SCAF11: variants seen among roughly 807,000 people sequenced by gnomAD.
The protein encoded by SCAF11 is protein SCAF11.
SCAF11 carries 47 observed loss-of-function variants against 140.5 expected under a neutral mutation model. The ratio of observed to expected loss-of-function variants is 0.33; its 90% CI spans 0.26 to 0.43. SCAF11 has a LOEUF of 0.43. Ranked by LOEUF, SCAF11 falls within the 20% of genes least tolerant of loss-of-function variation. SCAF11 has a pLI of 1.00. For missense variants in SCAF11, 1,645 were observed against 1,705.1 expected (o/e 0.96, Z 0.62); for synonymous variants, 557 against 579.4 (o/e 0.96, Z 0.55).
intron 6 of SCAF11, among the ~76,000 whole-genome samples, chr12:45,936,832 A>G (rs1336799257): frequency 6.6e-6 from 1 of 152,174 alleles, no homozygotes; most frequent in Non-Finnish European, 1.5e-5. Context: ...GAAGTGGAAA[A>G]GGGTGGGAAT....
chr12:45,990,940 G>T (rs1165956078), upstream of SCAF11, among the ~76,000 whole-genome samples: 1 of 152,238 alleles, frequency 6.6e-6, no homozygotes, highest in African/African-American at 2.4e-5. Context: ...TTTGGCCTCT[G>T]CCCTCCTTTG....
chr12:45,988,979 T>C (rs1024270195), intron 1 of SCAF11, among the ~76,000 whole-genome samples: 3 of 152,228 alleles, frequency 2.0e-5, no homozygotes, highest in Admixed American at 2.0e-4. Flanking sequence ...CAAGATTTCA[T>C]TTCTCTTGCT....
intron 6 of SCAF11, among the ~76,000 whole-genome samples, chr12:45,936,609 G>A (rs1447126192): frequency 6.6e-6 from 1 of 152,116 alleles, no homozygotes; most frequent in Non-Finnish European, 1.5e-5. Flanking sequence ...CCACTCTCCT[G>A]GCAAAACTCT....
chr12:45,952,529 A>G (rs1208081417), intron 3 of SCAF11, among the ~76,000 whole-genome samples: 1 of 152,156 alleles, frequency 6.6e-6, no homozygotes, highest in Non-Finnish European at 1.5e-5. Context: ...AAATTGAGTT[A>G]TAGGTGCTCT....
chr12:45,935,850 C>T (rs939775676), intron 6 of SCAF11, among the ~76,000 whole-genome samples: 2 of 152,144 alleles, frequency 1.3e-5, no homozygotes, highest in East Asian at 1.9e-4. Flanking sequence ...CTAAAGTATT[C>T]GATACTGGTG....
At chr12:45,972,617 CAA>C (rs1260145584) in intron 1 of SCAF11, among the ~76,000 whole-genome samples, 1 of 111,974 alleles carries the variant, frequency 8.9e-6, no homozygotes, top group Non-Finnish European at 1.9e-5. Context: ...ATCCAAAAAA[CAA>C]AAACAAAAAC....
rs187139806 is a variant in SCAF11 at position 45,967,657 on chromosome 12, T to A, written c.-21-3469A>T. Among the ~76,000 whole-genome samples, 689 of 152,254 alleles carry A rather than the reference T, an allele frequency of 4.5e-3. 2 individuals carry two copies. The highest frequency in any genetic ancestry group is 0.016 in the African/African-American group (646 of 41,548). ...AGGCTCCATCTCAAAAAGAAAGAAA[T>A]CTGCTTTAAAAACTGTTTAAGCATT... On this transcript the variant is annotated intron_variant, in intron 1 of 14. Transcript: ENST00000369367.
At chr12:45,942,366 A>T (rs976621968) in intron 6 of SCAF11, among the ~76,000 whole-genome samples, 1 of 152,218 alleles carries the variant, frequency 6.6e-6, no homozygotes, top group Non-Finnish European at 1.5e-5. Flanking sequence ...TAAAAAGAAC[A>T]AAAAAGAAAA....
Position 45,931,550 on chromosome 12 carries a change from G to A in SCAF11, c.797C>T (p.Pro266Leu). The A allele has an allele frequency of 6.6e-7, 1 of 1,513,954 alleles. No individual in the cohort carries two copies. The highest frequency in any genetic ancestry group is 8.8e-7 in the Non-Finnish European group (1 of 1,136,556). 93.8% of individuals were successfully genotyped at this position (1,513,954 alleles called of 1,614,324 possible). ...GGTACTTGTTGGAAAAATAGTTCTT[G>A]GCAACACAGAAGAAATGAGAGGAAG... ...EVLPLISSVL[P>L]RTIFPTSTIS... The change falls in exon 10 of 15, where the codon CCA (proline) becomes CTA (leucine). Residue 266 changes from proline to leucine, a missense_variant. This residue lies in a region of SCAF11 where 1,582 missense variants were observed against 1,609.2 expected (regional missense o/e 0.98). Transcript: ENST00000369367.
Position 45,920,512 on chromosome 12 carries a change from C to T in SCAF11, c.*1536G>A, listed in dbSNP as rs1400215262. 6.6e-6 allele frequency: 1 copy of T among 152,174 alleles called. No homozygotes were observed. The highest frequency in any genetic ancestry group is 2.4e-5 in the African/African-American group (1 of 41,318). 9.4% of individuals were successfully genotyped at this position (152,174 alleles called of 1,614,324 possible). ...GGAATCAGTTTATCATGGAGAAAAC[C>T]TACTGTTCTTTCAAGATGCCAGTTA... On this transcript the variant is annotated 3_prime_UTR_variant, in exon 15 of 15. Coordinates refer to ENST00000369367, the MANE Select transcript of SCAF11 (RefSeq NM_004719.3).
rs1416038503 is a variant in SCAF11, at chr12:45,990,395, A to G, written c.-64T>C. ...GCGCTCGGTCCGGCCGCGGCCCCAC[A>G]GTAGGTTCCCAGGTCCCAGTCACTC... On this transcript the variant is annotated 5_prime_UTR_variant, in exon 1 of 15. Coordinates refer to ENST00000369367, the MANE Select transcript of SCAF11 (RefSeq NM_004719.3). 2 of 1,232,394 alleles carry G rather than the reference A, an allele frequency of 1.6e-6. No individual in the cohort carries two copies. The highest frequency in any genetic ancestry group is 4.1e-5 in the South Asian group (1 of 24,338). 76.3% of individuals were successfully genotyped at this position (1,232,394 alleles called of 1,614,324 possible). A position where few individuals can be genotyped will look rare whatever the true frequency, so the allele number is the denominator to read the frequency against.
chr12:45,964,265 G>GT (rs1302658153), intron 1 of SCAF11, 77 bp from the exon 2 acceptor site: 1 of 717,458 alleles, frequency 1.4e-6, no homozygotes. Flanking sequence ...ATCCTAAACT[G>GT]TAAGAAATTA....
At chr12:45,956,476 C>T (rs143478424) in intron 3 of SCAF11, among the ~76,000 whole-genome samples, 1 of 152,256 alleles carries the variant, frequency 6.6e-6, no homozygotes, top group African/African-American at 2.4e-5. Flanking sequence ...TAATTGTTCA[C>T]CTGCAGTCAG....
chr12:45,930,267 T>C (rs1450673045), intron 10 of SCAF11, among the ~76,000 whole-genome samples: 1 of 152,214 alleles, frequency 6.6e-6, no homozygotes, highest in Non-Finnish European at 1.5e-5. Context: ...CCTACATCAC[T>C]AATGGCACTT....
chr12:45,987,376 T>G (rs1181763139), intron 1 of SCAF11, among the ~76,000 whole-genome samples: 5 of 152,244 alleles, frequency 3.3e-5, no homozygotes, highest in African/African-American at 1.2e-4. Context: ...CCACAATCAC[T>G]ATTTGTAACG....
chr12:45,928,453 T>C lies in SCAF11; in HGVS notation c.1248A>G (p.Ser416=), dbSNP rs1157468996. 1 of 1,612,778 alleles carries C rather than the reference T, an allele frequency of 6.2e-7. No individual in the cohort carries two copies. The highest frequency in any genetic ancestry group is 8.5e-7 in the Non-Finnish European group (1 of 1,178,970). ...GTTGGTGCTCTTTTTCTAACACAGGTGATGTGTCAGATTCTGCTGTTTCTT... is the reference window on the plus strand; with the variant it reads ...GTTGGTGCTCTTTTTCTAACACAGGCGATGTGTCAGATTCTGCTGTTTCTT... ...VDEETAESDT[S]PVLEKEHQPD... Residue 416 remains serine (S), a synonymous_variant, in exon 11 of 15, where the codon TCA becomes TCG. Coordinates refer to ENST00000369367, the MANE Select transcript of SCAF11 (RefSeq NM_004719.3).
intron 6 of SCAF11, among the ~76,000 whole-genome samples, chr12:45,935,792 T>C (rs766779335): frequency 1.3e-5 from 2 of 152,230 alleles, no homozygotes; most frequent in African/African-American, 2.4e-5. Context: ...GTTTCACATA[T>C]TTCTGGGTAA....
intron 3 of SCAF11, chr12:45,955,168 A>AT (rs914194101): frequency 2.3e-4 from 35 of 150,624 alleles, no homozygotes; most frequent in Admixed American, 1.5e-3. Context: ...AGCCATCATA[A>AT]TTTTTTTTTT....
At chr12:45,954,632 T>C (rs1945636053) in intron 3 of SCAF11, 1 of 151,102 alleles carries the variant, frequency 6.6e-6, no homozygotes, top group Non-Finnish European at 1.5e-5. Flanking sequence ...TGCAGTCACC[T>C]GATCACAGCT....
Sources: allele counts gnomAD v4.1 joint callset (sites outside exome capture counted in the v4.1 genomes callset), GRCh38; gene constraint gnomAD v4.1.1; regional missense constraint gnomAD v4.1.1; transcripts MANE v1.5; gene names NCBI Gene and HGNC (gene_info 2026-07-23, HGNC 2026-07-21).